The following GPC5 variants were observed in gnomAD, a reference collection of about 807,000 sequenced individuals.
GPC5 encodes glypican 5, also known as glypican-5.
In GPC5, 47 loss-of-function variants were observed where a neutral mutation model predicts 53.9. The ratio of observed to expected loss-of-function variants is 0.87; its 90% confidence interval spans 0.69 to 1.11. The LOEUF (loss-of-function observed/expected upper bound fraction) is 1.11. GPC5 is among the 50% of genes most tolerant of loss of function. GPC5 has a pLI of 0.00. For missense variants in GPC5, 748 were observed against 713.1 expected (o/e 1.05, Z -0.56); for synonymous variants, 286 against 263.3 (o/e 1.09, Z -0.84).
chr13:92,072,140 TTAATGAATGAATAAAATGTATATA>T (rs1273500954), intron 6 of GPC5, among the ~76,000 whole-genome samples: 8 of 147,144 alleles, frequency 5.4e-5, no homozygotes, highest in Non-Finnish European at 9.0e-5. Flanking sequence ...GATCATTTTA[TTAATGAATGAATAAAATGTATATA>T]TAATGAATGA....
At chr13:92,187,165 C>T (rs1037758480) in intron 7 of GPC5, among the ~76,000 whole-genome samples, 1 of 151,976 alleles carries the variant, frequency 6.6e-6, no homozygotes, top group Non-Finnish European at 1.5e-5. Context: ...TATGAAAACC[C>T]TCAATGTAAC....
At chr13:92,173,271 G>T (rs1189886769) in intron 7 of GPC5, among the ~76,000 whole-genome samples, 1 of 151,802 alleles carries the variant, frequency 6.6e-6, no homozygotes, top group African/African-American at 2.4e-5. Context: ...TTGTTTTCCT[G>T]GCCACCTTTC....
intron 2 of GPC5, among the ~76,000 whole-genome samples, chr13:91,620,695 CT>C (rs2033830453): frequency 6.6e-6 from 1 of 152,126 alleles, no homozygotes; most frequent in Non-Finnish European, 1.5e-5. Flanking sequence ...AGATTTTCAT[CT>C]TCCAGGACTT....
At chr13:92,556,527 C>T (rs772640631) in intron 7 of GPC5, among the ~76,000 whole-genome samples, 19 of 151,612 alleles carry the variant, frequency 1.3e-4, no homozygotes, top group East Asian at 3.9e-4. Context: ...ACCCAAGGTA[C>T]GCAGTTGCAA....
intron 7 of GPC5, among the ~76,000 whole-genome samples, chr13:92,223,981 T>C (rs1231674575): frequency 1.3e-5 from 2 of 152,126 alleles, no homozygotes; most frequent in African/African-American, 4.8e-5. Context: ...ATTTATGGCA[T>C]GTTGAAAAAA....
At position 91,689,212 on chromosome 13, in the gene GPC5, TATATATATATATATATATAC is replaced by T. The variant is rs1249361355; in HGVS notation, c.326-3973_326-3954del. ...ATATATATATATATATATATATATA[TATATATATATATATATATAC>T]ACATATAAAATTATGGTATAAATTT... On this transcript the variant is annotated intron_variant, in intron 2 of 7. Transcript: ENST00000377067. 2.2e-3 allele frequency among the ~76,000 whole-genome samples: 272 copies of T among 121,456 alleles called. 9 individuals are homozygous for T. Among genetic ancestry groups the T allele is most frequent in the African/African-American group, 7.7e-3 (235 of 30,456 alleles). 79.7% of individuals were successfully genotyped at this position (121,456 alleles called of 152,430 possible).
At chr13:91,422,502 A>C (rs1023135983) in intron 1 of GPC5, among the ~76,000 whole-genome samples, 2 of 152,060 alleles carry the variant, frequency 1.3e-5, no homozygotes, top group African/African-American at 2.4e-5. Flanking sequence ...CAGGCATGGT[A>C]GTAGGTGCCT....
chr13:92,549,105 T>G (rs988469332), intron 7 of GPC5, among the ~76,000 whole-genome samples: 1 of 152,084 alleles, frequency 6.6e-6, no homozygotes, highest in Non-Finnish European at 1.5e-5. Context: ...AAAAACAAGA[T>G]AGAGAATGAA....
intron 2 of GPC5, among the ~76,000 whole-genome samples, chr13:91,630,815 G>C (rs1433002659): frequency 6.6e-6 from 1 of 152,128 alleles, no homozygotes; most frequent in Non-Finnish European, 1.5e-5. Context: ...AAGAAAGGGG[G>C]TCAAGAAGGT....
intron 5 of GPC5, among the ~76,000 whole-genome samples, chr13:91,767,475 T>C (rs981226867): frequency 6.6e-6 from 1 of 152,220 alleles, no homozygotes; most frequent in African/African-American, 2.4e-5. Context: ...AACTATCAGT[T>C]GATTGGAAAT....
intron 6 of GPC5, among the ~76,000 whole-genome samples, chr13:92,135,030 C>T (rs1306442313): frequency 6.6e-6 from 1 of 152,056 alleles, no homozygotes; most frequent in Non-Finnish European, 1.5e-5. Flanking sequence ...TTTACTTATA[C>T]CCTCCATTTC....
At chr13:92,736,917 T>C (rs903764948) in intron 7 of GPC5, among the ~76,000 whole-genome samples, 4 of 151,906 alleles carry the variant, frequency 2.6e-5, no homozygotes, top group Non-Finnish European at 4.4e-5. Context: ...CAAAATGCAG[T>C]CTATGTTTTT....
intron 5 of GPC5, among the ~76,000 whole-genome samples, chr13:91,895,015 A>G (rs2039425799): frequency 6.6e-6 from 1 of 151,608 alleles, no homozygotes; most frequent in African/African-American, 2.4e-5. Flanking sequence ...AAGATGTTTT[A>G]TCGAAGCTGG....
intron 7 of GPC5, among the ~76,000 whole-genome samples, chr13:92,167,661 G>A (rs1384921454): frequency 2.0e-5 from 3 of 152,088 alleles, no homozygotes; most frequent in Non-Finnish European, 4.4e-5. Context: ...TAGATTTAGG[G>A]AGTAGCTTTC....
rs113205681 is a variant in GPC5, at chr13:91,565,428, T to G, written c.325+116506T>G. Reference sequence around the variant, plus strand: ...TTTGGAATTTATACTGCTTAAGCGATGTACAGTTGTTAGGCAGACATCGGA... The same window carrying G: ...TTTGGAATTTATACTGCTTAAGCGAGGTACAGTTGTTAGGCAGACATCGGA... On this transcript the variant is annotated intron_variant, in intron 2 of 7. Transcript: ENST00000377067. Among the ~76,000 whole-genome samples the G allele has an allele frequency of 2.0e-5, 3 of 152,240 alleles. No homozygotes were observed. The East Asian group carries it at 5.8e-4, about 29-fold the overall frequency.
At chr13:92,747,299 C>A (rs1209033196) in intron 7 of GPC5, among the ~76,000 whole-genome samples, 4 of 152,132 alleles carry the variant, frequency 2.6e-5, no homozygotes, top group Admixed American at 2.0e-4. Flanking sequence ...AAAGCATTGT[C>A]ATTGCTTAAG....
intron 7 of GPC5, among the ~76,000 whole-genome samples, chr13:92,522,417 A>C (rs1368207401): frequency 6.6e-6 from 1 of 152,174 alleles, no homozygotes; most frequent in East Asian, 1.9e-4. Flanking sequence ...GCGCATATAC[A>C]CCATGGAATA....
chr13:92,605,735 G>A (rs1450856583), intron 7 of GPC5, among the ~76,000 whole-genome samples: 2 of 151,786 alleles, frequency 1.3e-5, no homozygotes, highest in African/African-American at 4.8e-5. Flanking sequence ...GACTACAGGC[G>A]CCCGCCACCG....
intron 7 of GPC5, among the ~76,000 whole-genome samples, chr13:92,396,377 A>C (rs916053210): frequency 7.2e-5 from 11 of 151,766 alleles, no homozygotes; most frequent in Non-Finnish European, 1.6e-4. Context: ...ATGTGCTTTC[A>C]TGTCATGTTT....
Sources: allele counts gnomAD v4.1 joint callset (sites outside exome capture counted in the v4.1 genomes callset), GRCh38; gene constraint gnomAD v4.1.1; transcripts MANE v1.5; gene names NCBI Gene and HGNC (gene_info 2026-07-23, HGNC 2026-07-21).